The following CEP70 variants were observed in gnomAD, a reference collection of about 807,000 sequenced individuals.
The protein encoded by CEP70 is centrosomal protein 70.
Under a neutral mutation model 90.9 loss-of-function variants are expected in CEP70, and 70 were observed. That is an observed-to-expected ratio of 0.77 (90% CI 0.64 to 0.94). The LOEUF (loss-of-function observed/expected upper bound fraction) is 0.94, where lower values mean the gene tolerates loss of function less well. Ranked by LOEUF, CEP70 falls within the 40% of genes least tolerant of loss-of-function variation. CEP70 has a pLI of 0.00. For missense variants in CEP70, 648 were observed against 669.0 expected, an observed-to-expected ratio of 0.97 and a Z score of 0.35; for synonymous variants, 220 against 228.3, an observed-to-expected ratio of 0.96 and a Z score of 0.33.
At chr3:138,533,756 A>G (rs756078435) in intron 7 of CEP70, among the ~76,000 whole-genome samples, 1 of 151,984 alleles carries the variant, frequency 6.6e-6, no homozygotes, top group African/African-American at 2.4e-5. Flanking sequence ...ATACACTTTC[A>G]TATTGTTTGA....
intron 11 of CEP70, among the ~76,000 whole-genome samples, chr3:138,523,591 A>G (rs1230326069): frequency 2.0e-5 from 3 of 152,188 alleles, no homozygotes; most frequent in Non-Finnish European, 4.4e-5. Flanking sequence ...ACAGACAAAC[A>G]GAGAGCCAAA....
At chr3:138,535,124 A>G (rs1470765088) in intron 7 of CEP70, among the ~76,000 whole-genome samples, 1 of 152,096 alleles carries the variant, frequency 6.6e-6, no homozygotes, top group Admixed American at 6.6e-5. Flanking sequence ...ATATTGTCAT[A>G]TTGTCTCTTA....
intron 2 of CEP70, among the ~76,000 whole-genome samples, chr3:138,573,712 A>G (rs1176545483): frequency 6.6e-6 from 1 of 152,222 alleles, no homozygotes; most frequent in Non-Finnish European, 1.5e-5. Context: ...TGAAGTATAA[A>G]ATGTACAATT....
At chr3:138,535,300 T>C (rs1482369006) in intron 7 of CEP70, among the ~76,000 whole-genome samples, 1 of 152,220 alleles carries the variant, frequency 6.6e-6, no homozygotes, top group East Asian at 1.9e-4. Context: ...GCTAAAAAGA[T>C]AACTCATTCA....
intron 10 of CEP70, among the ~76,000 whole-genome samples, chr3:138,527,306 G>A (rs1273854149): frequency 6.6e-6 from 1 of 151,068 alleles, no homozygotes; most frequent in African/African-American, 2.4e-5. Context: ...GGGACTGCAG[G>A]AGTACGCTAC....
chr3:138,548,910 A>C (rs1207187344), intron 6 of CEP70, among the ~76,000 whole-genome samples: 1 of 152,180 alleles, frequency 6.6e-6, no homozygotes. Context: ...GAAAGGAGAG[A>C]TTGTCCACCC....
At chr3:138,547,354 T>TA (rs2039290137) in intron 6 of CEP70, among the ~76,000 whole-genome samples, 1 of 152,256 alleles carries the variant, frequency 6.6e-6, no homozygotes, top group Non-Finnish European at 1.5e-5. Context: ...AATTGGAACA[T>TA]ACGAGTTTCT....
intron 6 of CEP70, among the ~76,000 whole-genome samples, chr3:138,551,644 GC>G (rs1297453050): frequency 6.6e-6 from 1 of 151,840 alleles, no homozygotes; most frequent in Non-Finnish European, 1.5e-5. Flanking sequence ...TACTCAGGAG[GC>G]TGAGGCAGGA....
At position 138,570,321 on chromosome 3, in the gene CEP70, TAA is replaced by T. The variant is rs772131552; in HGVS notation, c.460_461del (p.Leu154ThrfsTer8). 6.4e-6 allele frequency: 10 copies of T among 1,569,382 alleles called. No individual in the cohort carries two copies. The highest frequency in any genetic ancestry group is 8.6e-6 in the Non-Finnish European group (10 of 1,160,630). ...CTAAGAATTCATAACTCAGTACCTG[TAA>T]AGTTTTCTGCTCCTTTTGAAGATCT... ...IKDLQKEQKT[L>X]QVKCQHYKKK... On this transcript the variant is annotated frameshift_variant, in exon 6 of 18. Transcript: ENST00000264982. LOFTEE classifies it high-confidence loss of function.
At chr3:138,526,718 G>A (rs1030429787) in intron 10 of CEP70, among the ~76,000 whole-genome samples, 3 of 152,066 alleles carry the variant, frequency 2.0e-5, no homozygotes, top group Admixed American at 1.3e-4. Context: ...GAATAACAAG[G>A]CATTCCAGTA....
At chr3:138,568,517 C>T (rs1576875568) in intron 6 of CEP70, among the ~76,000 whole-genome samples, 2 of 152,336 alleles carry the variant, frequency 1.3e-5, no homozygotes, top group South Asian at 4.1e-4. Context: ...CTTCTGATGG[C>T]TGCTTTTTCA....
intron 10 of CEP70, among the ~76,000 whole-genome samples, chr3:138,527,206 C>T (rs1461853523): frequency 1.3e-5 from 2 of 151,926 alleles, no homozygotes; most frequent in Admixed American, 6.6e-5. Flanking sequence ...GTCTCTGTTG[C>T]CCAGGTTGGA....
intron 6 of CEP70, among the ~76,000 whole-genome samples, chr3:138,552,035 C>T (rs2039659110): frequency 6.6e-6 from 1 of 152,106 alleles, no homozygotes; most frequent in African/African-American, 2.4e-5. Flanking sequence ...TTATACCAAA[C>T]AAAACAAACT....
intron 11 of CEP70, among the ~76,000 whole-genome samples, chr3:138,511,168 C>G (rs572965003): frequency 6.6e-6 from 1 of 152,102 alleles, no homozygotes; most frequent in African/African-American, 2.4e-5. Flanking sequence ...ACCGTGCCCC[C>G]CCAGTCCTAA....
chr3:138,516,911 A>C (rs954675333), intron 11 of CEP70, among the ~76,000 whole-genome samples: 1 of 152,220 alleles, frequency 6.6e-6, no homozygotes, highest in Non-Finnish European at 1.5e-5. Flanking sequence ...CTTGAATCAA[A>C]GAGTACACAT....
intron 6 of CEP70, among the ~76,000 whole-genome samples, chr3:138,543,535 C>A (rs1341312832): frequency 6.6e-6 from 1 of 152,214 alleles, no homozygotes; most frequent in Non-Finnish European, 1.5e-5. Flanking sequence ...CGCAGGGATG[C>A]CCAAGTCCCA....
intron 7 of CEP70, among the ~76,000 whole-genome samples, chr3:138,534,894 G>A (rs1308944973): frequency 2.6e-5 from 4 of 152,146 alleles, no homozygotes; most frequent in Non-Finnish European, 5.9e-5. Flanking sequence ...AATTCGTCTG[G>A]ACAACTCCTA....
At position 138,508,437 on chromosome 3, in the gene CEP70, A is replaced by G; in HGVS notation, c.1050+2T>C. 6.4e-7 allele frequency: 1 copy of G among 1,573,724 alleles called. No individual in the cohort carries two copies. Among genetic ancestry groups the G allele is most frequent in the South Asian group, 1.1e-5 (1 of 90,276 alleles). On this transcript the variant is annotated splice_donor_variant, in intron 12 of 17. Coordinates refer to ENST00000264982, the MANE Select transcript of CEP70 (RefSeq NM_024491.4). LOFTEE classifies it high-confidence loss of function. Reference sequence around the variant, plus strand: ...TTTTGTCATGAAAAATCAATTCAATACCTGAAAGTATCTCTGGTCAATTAG... The same window carrying G: ...TTTTGTCATGAAAAATCAATTCAATGCCTGAAAGTATCTCTGGTCAATTAG...
At chr3:138,566,994 A>G (rs2040840409) in intron 6 of CEP70, among the ~76,000 whole-genome samples, 1 of 152,158 alleles carries the variant, frequency 6.6e-6, no homozygotes, top group Non-Finnish European at 1.5e-5. Context: ...AGATGAATGG[A>G]TAAACAAACT....
Sources: allele counts gnomAD v4.1 joint callset (sites outside exome capture counted in the v4.1 genomes callset), GRCh38; gene constraint gnomAD v4.1.1; transcripts MANE v1.5; gene names NCBI Gene and HGNC (gene_info 2026-07-23, HGNC 2026-07-21).